Variants in CCAR1 observed in about 807,000 individuals in gnomAD.
CCAR1 encodes cell division cycle and apoptosis regulator protein 1.
CCAR1 carries 78 observed loss-of-function variants against 163.8 expected under a neutral mutation model. The ratio of observed to expected loss-of-function variants is 0.48; its 90% CI spans 0.40 to 0.57. The LOEUF (loss-of-function observed/expected upper bound fraction) is 0.57, where lower values mean the gene tolerates loss of function less well. CCAR1 is among the 20% of genes least tolerant of loss of function. The probability of loss-of-function intolerance (pLI) is 0.00; values close to 1 mark genes in which losing one functional copy is unlikely to be tolerated. For synonymous variants in CCAR1, 443 were observed against 460.7 expected, an observed-to-expected ratio of 0.96 and a Z score of 0.49; for missense variants, 1,019 against 1,365.2, an observed-to-expected ratio of 0.75 and a Z score of 4.00.
Position 68,749,673 on chromosome 10 carries a change from T to A in CCAR1, c.1106T>A (p.Phe369Tyr). 1 of 1,605,058 alleles carries A rather than the reference T, an allele frequency of 6.2e-7. No homozygotes were observed. The highest frequency in any genetic ancestry group is 8.5e-7 in the Non-Finnish European group (1 of 1,173,454). The part of the protein sequence containing the change: ...VPRYTVQFSK[F>Y]SLDCPSCDMM... ...CGTTACACAGTTCAGTTTTCAAAGT[T>A]TTCTTTAGATTGGTAGGTTATTCCC... Residue 369 changes from phenylalanine (F) to tyrosine (Y), a missense_variant, in exon 10 of 25, where the codon TTT (phenylalanine) becomes TAT (tyrosine). Physicochemically the swap from Phe to Tyr is conservative, Grantham distance 22 (BLOSUM62 3). This residue lies in a region of CCAR1 where 644 missense variants were observed against 904.4 expected (regional missense o/e 0.71). Coordinates refer to ENST00000265872, the MANE Select transcript of CCAR1 (RefSeq NM_018237.4).
intron 10 of CCAR1, among the ~76,000 whole-genome samples, chr10:68,750,088 C>A (rs925513810): frequency 2.0e-5 from 3 of 151,788 alleles, no homozygotes; most frequent in Non-Finnish European, 4.4e-5. Context: ...CATTGATATG[C>A]GTATATACTC....
chr10:68,728,291 C>CG (rs2055977710), intron 2 of CCAR1, among the ~76,000 whole-genome samples: 1 of 150,114 alleles, frequency 6.7e-6, no homozygotes, highest in South Asian at 2.1e-4. Context: ...ACATCCATTT[C>CG]ATTTTTTGAT....
chr10:68,760,949 TGCCCCCC>T (rs1241921872), intron 15 of CCAR1, 51 bp from the exon 16 acceptor site: 23 of 546,684 alleles, frequency 4.2e-5, no homozygotes, highest in African/African-American at 2.8e-4. Flanking sequence ...CAATATCCGC[TGCCCCCC>T]GCCCCCCGCC....
At chr10:68,736,489 C>T (rs2056112608) in intron 2 of CCAR1, among the ~76,000 whole-genome samples, 2 of 152,216 alleles carry the variant, frequency 1.3e-5, no homozygotes, top group Middle Eastern at 3.4e-3. Context: ...CCAATCCTGC[C>T]CTGGGCCCCA....
chr10:68,749,256 A>T lies in CCAR1; in HGVS notation c.947A>T (p.Asp316Val). 1 of 1,608,150 alleles carries T rather than the reference A, an allele frequency of 6.2e-7. No homozygotes were observed. Among genetic ancestry groups the T allele is most frequent in the Non-Finnish European group, 8.5e-7 (1 of 1,178,476 alleles). The stretch of plus-strand genomic sequence containing the variant: ...GGGGATCAAGTGCCTAACAGAAAAG[A>T]TGATCGAAGGTATATTTTCTAAAGT... Reference protein sequence around the residue: ...DRGDQVPNRKDDRSRERERER... With the variant: ...DRGDQVPNRKVDRSRERERER... The change falls in exon 9 of 25, where the codon GAT (aspartate) becomes GTT (valine). Residue 316 changes from aspartate (D) to valine (V), a missense_variant. Around this residue, in one of 4 missense-constraint regions of CCAR1, gnomAD observed 644 missense variants for 904.4 expected, o/e 0.71. Coordinates refer to ENST00000265872, the MANE Select transcript of CCAR1 (RefSeq NM_018237.4).
chr10:68,784,915 C>CTTTTT (rs754185332), intron 19 of CCAR1, among the ~76,000 whole-genome samples: 1 of 124,762 alleles, frequency 8.0e-6, no homozygotes, highest in Non-Finnish European at 1.6e-5. Context: ...GTGAACATAA[C>CTTTTT]TTTTTTTTTT....
chr10:68,752,370 C>T (rs1332464623), intron 10 of CCAR1, among the ~76,000 whole-genome samples: 1 of 152,050 alleles, frequency 6.6e-6, no homozygotes, highest in Non-Finnish European at 1.5e-5. Context: ...AAACTTCGTG[C>T]CCATGAAATG....
At chr10:68,746,727 G>A (rs1303678978) in intron 6 of CCAR1, among the ~76,000 whole-genome samples, 1 of 151,792 alleles carries the variant, frequency 6.6e-6, no homozygotes, top group East Asian at 1.9e-4. Flanking sequence ...ACAGGTGTGC[G>A]CCACCACGCT....
chr10:68,753,103 T>TTTAAAAAAGACAATGTAGTTGTC, intron 10 of CCAR1, among the ~76,000 whole-genome samples: 1 of 152,182 alleles, frequency 6.6e-6, no homozygotes, highest in Non-Finnish European at 1.5e-5. Context: ...TTTAGTTGTC[T>TTTAAAAAAGACAATGTAGTTGTC]TTTCATCTTA....
chr10:68,747,156 T>A lies in CCAR1; in HGVS notation c.519-5T>A, dbSNP rs924058973. 2 of 1,452,550 alleles carry A rather than the reference T, an allele frequency of 1.4e-6. No individual in the cohort carries two copies. Among genetic ancestry groups the A allele is most frequent in the East Asian group, 4.6e-5 (2 of 43,662 alleles). The allele number at this position is 1,452,550 out of a possible 1,614,324, so 90.0% of individuals were successfully genotyped here. On this transcript the variant is annotated splice_polypyrimidine_tract_variant and splice_region_variant and intron_variant, in intron 6 of 24. Coordinates refer to ENST00000265872, the MANE Select transcript of CCAR1 (RefSeq NM_018237.4). The stretch of plus-strand genomic sequence containing the variant: ...TTAACTTTTTTTTTCTTTTTTTTTT[T>A]ACAGTGCTGTCAAAGGGAAAACCCC...
At chr10:68,721,858 T>C (rs2055862887) in intron 1 of CCAR1, among the ~76,000 whole-genome samples, 1 of 152,260 alleles carries the variant, frequency 6.6e-6, no homozygotes, top group South Asian at 2.1e-4. Flanking sequence ...CTGGTTTATC[T>C]TGGGGGGAGG....
intron 2 of CCAR1, among the ~76,000 whole-genome samples, chr10:68,723,866 A>G (rs376757671): frequency 1.6e-5 from 2 of 126,778 alleles, no homozygotes; most frequent in Non-Finnish European, 3.4e-5. Flanking sequence ...AAAAAAAAAA[A>G]GGTAAATTTA....
chr10:68,749,554 G>A lies in CCAR1; in HGVS notation c.987G>A (p.Ser329=), dbSNP rs778834570. 93 of 1,613,572 alleles carry A rather than the reference G, an allele frequency of 5.8e-5. No homozygotes were observed. In the East Asian group the frequency reaches 1.7e-3, roughly 30 times the overall value. Residue 329 remains serine (S), a synonymous_variant, in exon 10 of 25, where the codon TCG becomes TCA. Coordinates refer to ENST00000265872, the MANE Select transcript of CCAR1 (RefSeq NM_018237.4). ...SRERERERRR[S]RERSPQRKRS... is the part of the protein sequence containing the mutation. ...AGAGAGAGAGAGAAAGACGTAGATC[G>A]AGAGAAAGATCACCTCAGAGGAAAC... is the stretch of plus-strand genomic sequence containing the variant.
Position 68,789,838 on chromosome 10 carries a change from CA to C in CCAR1, c.3318del (p.Gln1106HisfsTer6). On this transcript the variant is annotated frameshift_variant, in exon 24 of 25. Coordinates refer to ENST00000265872, the MANE Select transcript of CCAR1 (RefSeq NM_018237.4). LOFTEE classifies it high-confidence loss of function. ...AAAGATTTCGGAAAACATGAATTTACAATTTGAAAACCAAATGAATAAGACA... is the reference window on the plus strand; with the variant it reads ...AAAGATTTCGGAAAACATGAATTTACATTTGAAAACCAAATGAATAAGACA... The part of the protein sequence containing the change: ...NLKISENMNL[Q>X]FENQMNKTIR... The C allele has an allele frequency of 6.2e-7, 1 of 1,607,746 alleles. No individual in the cohort carries two copies. The highest frequency in any genetic ancestry group is 8.5e-7 in the Non-Finnish European group (1 of 1,177,378).
intron 17 of CCAR1, among the ~76,000 whole-genome samples, chr10:68,770,003 T>A (rs2056583110): frequency 6.6e-6 from 1 of 151,898 alleles, no homozygotes; most frequent in African/African-American, 2.4e-5. Flanking sequence ...TAGCCCATTA[T>A]CTGTGGATGC....
In CCAR1 at chr10:68,758,798, G is replaced by A. The variant is rs967113334; in HGVS notation, c.1920+1421G>A. Among the ~76,000 whole-genome samples the A allele has an allele frequency of 3.3e-5, 5 of 151,116 alleles. No individual in the cohort carries two copies. The South Asian group carries it at 8.3e-4, about 25-fold the overall frequency. ...AGAGATTCTCGTGCCTCAGCCTCCC[G>A]AGTAGCTGGGACTACAGGCCTGTGC... is the stretch of plus-strand genomic sequence containing the variant. On this transcript the variant is annotated intron_variant, in intron 15 of 24. Coordinates refer to ENST00000265872, the MANE Select transcript of CCAR1 (RefSeq NM_018237.4).
intron 16 of CCAR1, 65 bp downstream of exon 16, chr10:68,761,257 T>G: frequency 1.3e-6 from 1 of 797,192 alleles, no homozygotes; most frequent in East Asian, 3.0e-5. Context: ...GTTCTTGGAA[T>G]ACGTGAGTTA....
At chr10:68,740,752 G>A (rs2056172029) in intron 5 of CCAR1, 91 bp downstream of exon 5, 1 of 985,032 alleles carries the variant, frequency 1.0e-6, no homozygotes, top group South Asian at 1.6e-5. Flanking sequence ...TCAGGGTTTA[G>A]TTACTTGTTA....
chr10:68,791,168 C>T, intron 24 of CCAR1, 39 bp from the exon 25 acceptor site: 1 of 1,209,904 alleles, frequency 8.3e-7, no homozygotes, highest in Non-Finnish European at 1.2e-6. Flanking sequence ...TTAAGATAAT[C>T]TAATAAAATG....
Sources: gnomAD v4.1 joint callset for allele counts (sites outside exome capture counted in the v4.1 genomes callset) on GRCh38, gnomAD v4.1.1 for gene constraint, gnomAD v4.1.1 regional missense constraint, MANE v1.5 for transcripts, NCBI Gene and HGNC (gene_info 2026-07-23, HGNC 2026-07-21) for gene names.